Variants in AMBRA1 observed in about 807,000 individuals in gnomAD.
AMBRA1 encodes the protein activating molecule in BECN1-regulated autophagy protein 1.
Under a neutral mutation model 125.4 loss-of-function variants are expected in AMBRA1, and 47 were observed. The observed-to-expected ratio is 0.37, with a 90% CI of 0.30 to 0.48. The LOEUF is 0.48. Ranked by LOEUF, AMBRA1 falls within the 20% of genes least tolerant of loss-of-function variation. AMBRA1 has a pLI of 0.99. For missense variants in AMBRA1, 1,331 were observed against 1,693.4 expected, an observed-to-expected ratio of 0.79 and a Z score of 3.76; for synonymous variants, 626 against 655.5, an observed-to-expected ratio of 0.95 and a Z score of 0.69.
At chr11:46,577,569 C>A (rs1237038318) in intron 1 of AMBRA1, among the ~76,000 whole-genome samples, 1 of 151,852 alleles carries the variant, frequency 6.6e-6, no homozygotes, top group Non-Finnish European at 1.5e-5. Context: ...TACTTAAATG[C>A]CACTGAATTG....
intron 15 of AMBRA1, among the ~76,000 whole-genome samples, chr11:46,416,022 A>T (rs1223946855): frequency 6.6e-6 from 1 of 151,520 alleles, no homozygotes; most frequent in Non-Finnish European, 1.5e-5. Context: ...TGCAAGGGAG[A>T]GGACTAGAAA....
chr11:46,491,674 T>G (rs1339063755), intron 11 of AMBRA1, among the ~76,000 whole-genome samples: 1 of 151,846 alleles, frequency 6.6e-6, no homozygotes, highest in African/African-American at 2.4e-5. Context: ...AACTCAAGAG[T>G]GAGGTTCTAG....
chr11:46,565,779 T>A (rs2043505228), intron 1 of AMBRA1, among the ~76,000 whole-genome samples: 1 of 150,272 alleles, frequency 6.7e-6, no homozygotes, highest in African/African-American at 2.4e-5. Flanking sequence ...AAATTCAGAT[T>A]TTTTTTTTCA....
At position 46,568,803 on chromosome 11, in the gene AMBRA1, CTTTTTTTTT is replaced by C. The variant is rs774631588; in HGVS notation, c.-120-20312_-120-20304del. On this transcript the variant is annotated intron_variant, in intron 1 of 17. Coordinates refer to ENST00000683756, the MANE Select transcript of AMBRA1 (RefSeq NM_001387011.1). ...AAAAAAAAGGAACCCTCAACCCTAC[CTTTTTTTTT>C]TTTTTTTTTTTTTTGAGACAGTCTT... Among the ~76,000 whole-genome samples the C allele has an allele frequency of 1.3e-4, 13 of 96,478 alleles. No individual in the cohort carries two copies. The East Asian group carries it at 3.4e-3, about 26-fold the overall frequency. The allele number at this position is 96,478 out of a possible 152,430, so 63.3% of individuals were successfully genotyped here. A position where few individuals can be genotyped will look rare whatever the true frequency, so the allele number is the denominator to read the frequency against.
intron 17 of AMBRA1, among the ~76,000 whole-genome samples, chr11:46,405,335 C>G (rs1360231060): frequency 6.6e-6 from 1 of 152,180 alleles, no homozygotes; most frequent in Admixed American, 6.5e-5. Flanking sequence ...AGACTGCGAG[C>G]TCCTCATGGA....
chr11:46,512,436 A>G (rs1951295947), intron 8 of AMBRA1, among the ~76,000 whole-genome samples: 1 of 152,182 alleles, frequency 6.6e-6, no homozygotes, highest in Non-Finnish European at 1.5e-5. Context: ...TGGCCAACAG[A>G]AAAAGAGTAT....
At chr11:46,398,878 A>G (rs965197630) in intron 17 of AMBRA1, among the ~76,000 whole-genome samples, 8 of 152,014 alleles carry the variant, frequency 5.3e-5, no homozygotes, top group Non-Finnish European at 8.8e-5. Flanking sequence ...GGTTCAAGCA[A>G]TTATCCTGCC....
intron 9 of AMBRA1, among the ~76,000 whole-genome samples, chr11:46,498,014 A>G (rs1302983319): frequency 3.9e-5 from 6 of 152,256 alleles, no homozygotes; most frequent in Admixed American, 1.3e-4. Context: ...AAAACTACAC[A>G]GAAATCTGCC....
chr11:46,552,583 G>A (rs1303881900), intron 1 of AMBRA1, among the ~76,000 whole-genome samples: 3 of 151,144 alleles, frequency 2.0e-5, no homozygotes, highest in African/African-American at 2.4e-5. Context: ...TACTCAGGGG[G>A]CTGAGGCGGG....
chr11:46,397,737 A>T lies in AMBRA1; in HGVS notation c.3610T>A (p.Ser1204Thr). Reference sequence around the variant, plus strand: ...CGAGAGGTGGAGGGCTGGGGTGAGGAGGTGTGGGCGGCACCAGGTTCAGTG... The same window carrying T: ...CGAGAGGTGGAGGGCTGGGGTGAGGTGGTGTGGGCGGCACCAGGTTCAGTG... ...TGTEPGAAHT[S>T]SPQPSTSRGL... is the part of the protein sequence containing the mutation. Residue 1204 changes from serine (S) to threonine (T), a missense_variant, in exon 18 of 18, where the codon TCC (serine) becomes ACC (threonine). Coordinates refer to ENST00000683756, the MANE Select transcript of AMBRA1 (RefSeq NM_001387011.1). 6.2e-7 allele frequency: 1 copy of T among 1,612,722 alleles called. No individual in the cohort carries two copies. The highest frequency in any genetic ancestry group is 8.5e-7 in the Non-Finnish European group (1 of 1,179,912).
Position 46,474,210 on chromosome 11 carries a change from C to A in AMBRA1, c.2521+19398G>T, listed in dbSNP as rs532612932. Among the ~76,000 whole-genome samples, 23 of 151,490 alleles carry A rather than the reference C, an allele frequency of 1.5e-4. No homozygotes were observed. The East Asian group carries it at 4.5e-3, about 29-fold the overall frequency. ...CAATAAATGTGGTGGTAAAATCAGT[C>A]AGTTTGATATTTTTCCTGGTTGATT... On this transcript the variant is annotated intron_variant, in intron 11 of 17. Transcript: ENST00000683756.
intron 14 of AMBRA1, among the ~76,000 whole-genome samples, chr11:46,426,298 G>A (rs1197333945): frequency 2.0e-5 from 3 of 152,084 alleles, no homozygotes; most frequent in Admixed American, 6.5e-5. Flanking sequence ...CATGCCTCCC[G>A]CAGCTAACTA....
chr11:46,510,156 C>T (rs549681129), intron 8 of AMBRA1, among the ~76,000 whole-genome samples: 19 of 152,300 alleles, frequency 1.2e-4, no homozygotes, highest in African/African-American at 4.1e-4. Flanking sequence ...TGAACACCAA[C>T]GAGTCAATAT....
chr11:46,421,837 G>C (rs1371008053), intron 14 of AMBRA1, among the ~76,000 whole-genome samples: 1 of 152,182 alleles, frequency 6.6e-6, no homozygotes, highest in Non-Finnish European at 1.5e-5. Context: ...GACTGGGTGA[G>C]TTGTGAGTCC....
chr11:46,538,108 T>C (rs976364870), intron 7 of AMBRA1, among the ~76,000 whole-genome samples: 3 of 152,188 alleles, frequency 2.0e-5, no homozygotes, highest in Non-Finnish European at 2.9e-5. Flanking sequence ...CCAGCACCTG[T>C]TTGTCTTAGT....
chr11:46,530,440 GCCT>G (rs560286257), intron 7 of AMBRA1: 34 of 152,360 alleles, frequency 2.2e-4, no homozygotes, highest in African/African-American at 8.2e-4. Flanking sequence ...ACCAGGGCAA[GCCT>G]CCTCATTTGC....
intron 1 of AMBRA1, among the ~76,000 whole-genome samples, chr11:46,575,379 C>G (rs1367868789): frequency 1.3e-5 from 2 of 151,612 alleles, no homozygotes; most frequent in African/African-American, 4.8e-5. Flanking sequence ...ATAGCTTGAA[C>G]CCGGAAGGTG....
chr11:46,406,373 A>T (rs1296900398), intron 17 of AMBRA1, among the ~76,000 whole-genome samples: 1 of 792 alleles, frequency 1.3e-3, no homozygotes, highest in African/African-American at 1.4e-3. Flanking sequence ...TCTTTAAATT[A>T]AAAAAAAAAA....
intron 1 of AMBRA1, among the ~76,000 whole-genome samples, chr11:46,566,753 C>G (rs2043547546): frequency 6.6e-6 from 1 of 152,230 alleles, no homozygotes; most frequent in African/African-American, 2.4e-5. Flanking sequence ...ACCAATCCAT[C>G]TTGCCTTTAA....
Sources: allele counts gnomAD v4.1 joint callset (sites outside exome capture counted in the v4.1 genomes callset), GRCh38; gene constraint gnomAD v4.1.1; transcripts MANE v1.5; gene names NCBI Gene and HGNC (gene_info 2026-07-23, HGNC 2026-07-21).